CHLSN: variants seen among roughly 807,000 people sequenced by gnomAD.
CHLSN encodes protein cholesin.
chr7:1,069,593 C>T, the CHLSN span, among the ~76,000 whole-genome samples: 5 of 130,946 alleles, frequency 3.8e-5, no homozygotes, highest in African/African-American at 6.5e-5. Flanking sequence ...GCGAGTGATC[C>T]GCCAACCTTG....
the CHLSN span, among the ~76,000 whole-genome samples, chr7:1,136,961 A>G: frequency 1.3e-5 from 2 of 152,134 alleles, no homozygotes; most frequent in Admixed American, 1.3e-4. Flanking sequence ...AAGATCCCAT[A>G]GGTACCCAGT....
the CHLSN span, among the ~76,000 whole-genome samples, chr7:1,125,749 G>A: frequency 6.6e-6 from 1 of 152,374 alleles, no homozygotes; most frequent in South Asian, 2.1e-4. Context: ...ATCCACAGGT[G>A]AGTGTGCCAT....
chr7:996,679 C>T, the CHLSN span, among the ~76,000 whole-genome samples: 1 of 152,260 alleles, frequency 6.6e-6, no homozygotes, highest in Admixed American at 6.5e-5. Flanking sequence ...GCGGTCACCA[C>T]GGCCTTCCCG....
the CHLSN span, among the ~76,000 whole-genome samples, chr7:980,080 G>C: frequency 6.6e-6 from 1 of 152,228 alleles, no homozygotes; most frequent in Non-Finnish European, 1.5e-5. Flanking sequence ...GCAGTGTTAC[G>C]TTACGCAAAG....
the CHLSN span, among the ~76,000 whole-genome samples, chr7:1,102,420 T>C: frequency 1.3e-5 from 2 of 152,198 alleles, no homozygotes; most frequent in Non-Finnish European, 2.9e-5. Context: ...CACACTCAAG[T>C]TCTTCCGCTC....
chr7:1,000,625 G>A, the CHLSN span: 7 of 1,242,354 alleles, frequency 5.6e-6, no homozygotes, highest in Non-Finnish European at 5.7e-6. Context: ...CTGAGAGATC[G>A]GGGACGCCTC....
the CHLSN span, among the ~76,000 whole-genome samples, chr7:1,016,780 GCACAGCACACAGCAGCACACAGCAGCA>G: frequency 1.8e-5 from 1 of 55,042 alleles, no homozygotes; most frequent in Non-Finnish European, 3.2e-5. Context: ...GCACAGCAGC[GCACAGCACACAGCAGCACACAGCAGCA>G]CACACCAGCG....
chr7:1,009,338 G>C, the CHLSN span, among the ~76,000 whole-genome samples: 1 of 152,190 alleles, frequency 6.6e-6, no homozygotes, highest in Admixed American at 6.5e-5. Flanking sequence ...TCAGGGAGAC[G>C]GACAGGAACG....
At chr7:1,033,411 AGCCG>A in the CHLSN span, among the ~76,000 whole-genome samples, 1 of 152,178 alleles carries the variant, frequency 6.6e-6, no homozygotes, top group East Asian at 1.9e-4. Flanking sequence ...CACAAAAATT[AGCCG>A]GGTGTGGTGG....
chr7:1,064,099 C>A, the CHLSN span, among the ~76,000 whole-genome samples: 1 of 152,044 alleles, frequency 6.6e-6, no homozygotes, highest in Non-Finnish European at 1.5e-5. Context: ...CATACACACA[C>A]ACATACATGC....
At chr7:1,030,513 C>G in the CHLSN span, among the ~76,000 whole-genome samples, 1 of 152,220 alleles carries the variant, frequency 6.6e-6, no homozygotes, top group Non-Finnish European at 1.5e-5. Context: ...CTCCATCTCA[C>G]GCTTCCAGCT....
At chr7:998,624 T>C in the CHLSN span, among the ~76,000 whole-genome samples, 1 of 152,272 alleles carries the variant, frequency 6.6e-6, no homozygotes, top group East Asian at 1.9e-4. Context: ...TTTGTATTTT[T>C]AGTAGAGACG....
the CHLSN span, among the ~76,000 whole-genome samples, chr7:1,060,381 C>T: frequency 6.6e-6 from 1 of 152,176 alleles, no homozygotes. Flanking sequence ...TGAAGACGGG[C>T]GATGTGGCTG....
chr7:1,119,874 T>TC, the CHLSN span, among the ~76,000 whole-genome samples: 1 of 84,268 alleles, frequency 1.2e-5, no homozygotes, highest in South Asian at 3.1e-4. Context: ...CGAAACTCCG[T>TC]CAAAAAAAAA....
chr7:1,036,343 T>G, the CHLSN span, among the ~76,000 whole-genome samples: 2 of 151,412 alleles, frequency 1.3e-5, no homozygotes, highest in African/African-American at 4.9e-5. Context: ...GCTGTGGCCG[T>G]GCAGGGCTCG....
the CHLSN span, among the ~76,000 whole-genome samples, chr7:1,123,838 G>A: frequency 6.6e-6 from 1 of 151,994 alleles, no homozygotes; most frequent in South Asian, 2.1e-4. The surrounding 1 kb of genome is among the most constrained non-coding windows in gnomAD (Gnocchi z 4.4). Flanking sequence ...CCCTCGGAAG[G>A]AACGTGCTGC....
At chr7:1,112,747 C>CA in the CHLSN span, among the ~76,000 whole-genome samples, 1 of 151,906 alleles carries the variant, frequency 6.6e-6, no homozygotes, top group East Asian at 1.9e-4. Context: ...CACCATGTGC[C>CA]AGTGAGGGTG....
chr7:993,742 A>G, the CHLSN span, among the ~76,000 whole-genome samples: 2 of 152,022 alleles, frequency 1.3e-5, no homozygotes. Context: ...ATGCCACCGC[A>G]CTCCAGCCTG....
chr7:1,069,285 T>C, the CHLSN span, among the ~76,000 whole-genome samples: 88,394 of 151,822 alleles, frequency 0.58, 26,454 homozygotes, highest in African/African-American at 0.72. Context: ...GAGCCAAGAT[T>C]GCGCCACTGC....
Sources: gnomAD v4.1 joint callset for allele counts (sites outside exome capture counted in the v4.1 genomes callset) on GRCh38, gnomAD v4.1.1 for gene constraint, Gnocchi (gnomAD v3.1) non-coding constraint, MANE v1.5 for transcripts, NCBI Gene and HGNC (gene_info 2026-07-23, HGNC 2026-07-21) for gene names.